GREM2: variants seen among roughly 807,000 people sequenced by gnomAD.
The protein encoded by GREM2 is gremlin 2, DAN family BMP antagonist.
Under a neutral mutation model 14.2 loss-of-function variants are expected in GREM2, and 11 were observed. The observed-to-expected ratio is 0.78, with a 90% CI of 0.49 to 1.28. The LOEUF is 1.28. Ranked by LOEUF, GREM2 falls within the 50% of genes most tolerant of loss-of-function variation. The probability of loss-of-function intolerance (pLI) is 0.00; values close to 1 mark genes in which losing one functional copy is unlikely to be tolerated. For missense variants in GREM2, 210 were observed against 218.5 expected, an observed-to-expected ratio of 0.96 and a Z score of 0.24; for synonymous variants, 98 against 97.6, an observed-to-expected ratio of 1.00 and a Z score of -0.02.
chr1:240,529,953 T>C (rs922712558), intron 1 of GREM2, among the ~76,000 whole-genome samples: 11 of 152,310 alleles, frequency 7.2e-5, no homozygotes, highest in Non-Finnish European at 7.3e-5. Flanking sequence ...ACACCGGTTA[T>C]CCTGAAATTC....
At chr1:240,591,376 G>A (rs951407948) in intron 1 of GREM2, among the ~76,000 whole-genome samples, 1 of 152,162 alleles carries the variant, frequency 6.6e-6, no homozygotes, top group African/African-American at 2.4e-5. Flanking sequence ...TGGAATTAAT[G>A]TTGTTAGAAA....
In GREM2 at chr1:240,558,744, G is replaced by A. The variant is rs939768153; in HGVS notation, c.-2+53140C>T. Among the ~76,000 whole-genome samples, 14 of 151,922 alleles carry A rather than the reference G, an allele frequency of 9.2e-5. No individual in the cohort carries two copies. In the Middle Eastern group the frequency reaches 0.017, roughly 185 times the overall value. ...TTGATAAGAACCTCAGAGAACTTTA[G>A]TTTCTGTTGGTTATATCTATCATAT... On this transcript the variant is annotated intron_variant, in intron 1 of 1. Coordinates refer to ENST00000318160, the MANE Select transcript of GREM2 (RefSeq NM_022469.4).
Position 240,489,989 on chromosome 1 carries a change from C to T in GREM2, c.*2980G>A, listed in dbSNP as rs577746969. 3.3e-5 allele frequency: 5 copies of T among 152,170 alleles called. No individual in the cohort carries two copies. Among genetic ancestry groups the T allele is most frequent in the South Asian group, 2.1e-4 (1 of 4,816 alleles). 9.4% of individuals were successfully genotyped at this position (152,170 alleles called of 1,614,324 possible). On this transcript the variant is annotated 3_prime_UTR_variant, in exon 2 of 2. Coordinates refer to ENST00000318160, the MANE Select transcript of GREM2 (RefSeq NM_022469.4). ...TGTGGATTTTATTTTTTATTGATTA[C>T]GGAGTTTTCTTAAATGGCAGATTAA...
chr1:240,575,930 G>A (rs1334025092), intron 1 of GREM2, among the ~76,000 whole-genome samples: 2 of 151,060 alleles, frequency 1.3e-5, no homozygotes, highest in Admixed American at 6.6e-5. Context: ...TGGAGGGGGA[G>A]GGAAGAACAA....
intron 1 of GREM2, among the ~76,000 whole-genome samples, chr1:240,604,337 G>A (rs12067512): frequency 2.7e-5 from 4 of 150,562 alleles, no homozygotes; most frequent in Non-Finnish European, 4.4e-5. Context: ...GTGTGTGTGT[G>A]TATAAAATGT....
At chr1:240,559,577 T>C (rs759320478) in intron 1 of GREM2, among the ~76,000 whole-genome samples, 12 of 151,976 alleles carry the variant, frequency 7.9e-5, no homozygotes, top group Non-Finnish European at 1.5e-4. Context: ...CTCCTGACCT[T>C]AGGTGATCCA....
At chr1:240,538,359 G>T (rs757306639) in intron 1 of GREM2, among the ~76,000 whole-genome samples, 52 of 152,002 alleles carry the variant, frequency 3.4e-4, no homozygotes, top group Non-Finnish European at 6.5e-4. Context: ...AAACACCATG[G>T]AATCATCCAG....
intron 1 of GREM2, among the ~76,000 whole-genome samples, chr1:240,541,821 CT>C (rs1344371181): frequency 6.6e-6 from 1 of 152,110 alleles, no homozygotes; most frequent in Non-Finnish European, 1.5e-5. Context: ...GAGGGAACCA[CT>C]CAGGCAAAAG....
chr1:240,510,183 C>T (rs540151412), intron 1 of GREM2, among the ~76,000 whole-genome samples: 4 of 151,864 alleles, frequency 2.6e-5, no homozygotes, highest in Non-Finnish European at 5.9e-5. Flanking sequence ...TCCTGGCTAA[C>T]ACGGTGAAAC....
chr1:240,564,664 C>T (rs1271990721), intron 1 of GREM2, among the ~76,000 whole-genome samples: 2 of 152,122 alleles, frequency 1.3e-5, no homozygotes, highest in Non-Finnish European at 2.9e-5. Flanking sequence ...AGCATTACCT[C>T]AGGGACCCCA....
At chr1:240,534,516 T>C (rs10754707) in intron 1 of GREM2, among the ~76,000 whole-genome samples, 63,648 of 151,412 alleles carry the variant, frequency 0.42, 13,900 homozygotes, top group East Asian at 0.58. Flanking sequence ...GGTGAAACCC[T>C]GTCTCTACTA....
At chr1:240,559,340 CTTTTT>C (rs61006579) in intron 1 of GREM2, among the ~76,000 whole-genome samples, 6 of 110,124 alleles carry the variant, frequency 5.4e-5, no homozygotes, top group African/African-American at 1.1e-4. Context: ...ATCAAAAAGT[CTTTTT>C]TTTTTTTTTT....
At chr1:240,530,201 C>A (rs954770354) in intron 1 of GREM2, among the ~76,000 whole-genome samples, 4 of 152,112 alleles carry the variant, frequency 2.6e-5, no homozygotes, top group Non-Finnish European at 5.9e-5. Context: ...GCCACAGAAG[C>A]CCCTTTTCTG....
chr1:240,496,371 G>A (rs1371728612), intron 1 of GREM2, among the ~76,000 whole-genome samples: 1 of 152,166 alleles, frequency 6.6e-6, no homozygotes, highest in Non-Finnish European at 1.5e-5. Flanking sequence ...TTTCTAGAAT[G>A]AGCTTGGCAT....
At chr1:240,579,502 C>T (rs936305604) in intron 1 of GREM2, among the ~76,000 whole-genome samples, 1 of 152,134 alleles carries the variant, frequency 6.6e-6, no homozygotes, top group Non-Finnish European at 1.5e-5. Flanking sequence ...TTAGTGAAGG[C>T]ACTTTGTAAA....
At chr1:240,520,894 A>T (rs1572378928) in intron 1 of GREM2, among the ~76,000 whole-genome samples, 3 of 133,466 alleles carry the variant, frequency 2.2e-5, no homozygotes, top group East Asian at 2.2e-4. Context: ...TTTTGGTATG[A>T]TATTTTGTCT....
At chr1:240,581,406 T>G (rs1405515833) in intron 1 of GREM2, among the ~76,000 whole-genome samples, 1 of 152,160 alleles carries the variant, frequency 6.6e-6, no homozygotes, top group Non-Finnish European at 1.5e-5. Context: ...TCTTATATGG[T>G]TGTTATGAAG....
In GREM2 at chr1:240,540,268, C is replaced by T. The variant is rs1339075283; in HGVS notation, c.-1-46792G>A. 1.3e-5 allele frequency among the ~76,000 whole-genome samples: 2 copies of T among 152,130 alleles called. No individual in the cohort carries two copies. Among genetic ancestry groups the T allele is most frequent in the African/African-American group, 4.8e-5 (2 of 41,434 alleles). On this transcript the variant is annotated intron_variant, in intron 1 of 1. Transcript: ENST00000318160. This position sits in a 1 kb window ranked among gnomAD's most constrained non-coding sequence, Gnocchi z 4.2. The stretch of plus-strand genomic sequence containing the variant: ...ACATTTGCTAGCTTTCTACTAATTG[C>T]CCTAATTTTCTTTGTCTAGACTAAC...
At chr1:240,573,671 T>C (rs1259020474) in intron 1 of GREM2, among the ~76,000 whole-genome samples, 3 of 152,114 alleles carry the variant, frequency 2.0e-5, no homozygotes, top group Admixed American at 1.3e-4. Flanking sequence ...ACACAACCAA[T>C]AAGTGGTGAA....
Sources: allele counts gnomAD v4.1 joint callset (sites outside exome capture counted in the v4.1 genomes callset), GRCh38; gene constraint gnomAD v4.1.1; non-coding constraint Gnocchi (gnomAD v3.1); transcripts MANE v1.5; gene names NCBI Gene and HGNC (gene_info 2026-07-23, HGNC 2026-07-21).